The following DOCK9 variants were observed in gnomAD, a reference collection of about 807,000 sequenced individuals.
The protein encoded by DOCK9 is dedicator of cytokinesis protein 9.
In DOCK9, 89 loss-of-function variants were observed where a neutral mutation model predicts 263.3. That is an observed-to-expected ratio of 0.34 (90% confidence interval 0.28 to 0.40). DOCK9 has a LOEUF of 0.40. Among genes scored for constraint, DOCK9 ranks in the 10% least tolerant of loss-of-function variants. The probability of loss-of-function intolerance (pLI) is 1.00; values close to 1 mark genes in which losing one functional copy is unlikely to be tolerated. For missense variants in DOCK9, 2,140 were observed against 2,603.4 expected, an observed-to-expected ratio of 0.82 and a Z score of 3.87; for synonymous variants, 976 against 973.1, an observed-to-expected ratio of 1.00 and a Z score of -0.06.
At chr13:98,935,641 G>A (rs1005435200) in intron 2 of DOCK9, among the ~76,000 whole-genome samples, 1 of 152,192 alleles carries the variant, frequency 6.6e-6, no homozygotes, top group East Asian at 1.9e-4. Context: ...GATGGCGCAC[G>A]CCTGTAGTCT....
chr13:98,922,050 C>A lies in DOCK9; in HGVS notation c.582+1G>T. 5.0e-6 allele frequency: 8 copies of A among 1,590,322 alleles called. No homozygotes were observed. Among genetic ancestry groups the A allele is most frequent in the African/African-American group, 1.3e-5 (1 of 74,638 alleles). On this transcript the variant is annotated splice_donor_variant, in intron 6 of 52. Transcript: ENST00000682017. LOFTEE classifies it high-confidence loss of function. ...GAGGGCAAAGTGATGTGCGTCCTCA[C>A]CCTCATGGTCACGCTGATGGCACTG...
intron 32 of DOCK9, among the ~76,000 whole-genome samples, chr13:98,862,386 C>A (rs1348757789): frequency 2.0e-5 from 3 of 152,036 alleles, no homozygotes; most frequent in Non-Finnish European, 4.4e-5. Flanking sequence ...TCACTAGCGT[C>A]CTTATAAGAA....
intron 2 of DOCK9, among the ~76,000 whole-genome samples, chr13:98,932,968 CT>C (rs572056406): frequency 1.3e-5 from 2 of 152,140 alleles, no homozygotes; most frequent in Non-Finnish European, 2.9e-5. Context: ...CAGGCGCAAT[CT>C]GTACAAAAAG....
At chr13:98,859,749 G>GTATATATATATATATATATATATA (rs772535372) in intron 33 of DOCK9, 3 of 136,764 alleles carry the variant, frequency 2.2e-5, no homozygotes, top group Non-Finnish European at 4.7e-5. Flanking sequence ...GTGTGTGTGT[G>GTATATATATATATATATATATATA]TGTGTATATA....
chr13:98,907,408 T>A (rs1466810626), intron 9 of DOCK9, among the ~76,000 whole-genome samples: 2 of 152,222 alleles, frequency 1.3e-5, no homozygotes, highest in Non-Finnish European at 2.9e-5. Context: ...CTGACTATGC[T>A]AGGAGATAAG....
chr13:98,990,746 C>G (rs1336223154), intron 1 of DOCK9, among the ~76,000 whole-genome samples: 1 of 152,188 alleles, frequency 6.6e-6, no homozygotes. Flanking sequence ...TACATATGAG[C>G]ACCCCAGTTA....
chr13:98,850,095 C>A lies in DOCK9; in HGVS notation c.3965G>T (p.Trp1322Leu). 1 of 1,545,526 alleles carries A rather than the reference C, an allele frequency of 6.5e-7. No individual in the cohort carries two copies. Among genetic ancestry groups the A allele is most frequent in the Admixed American group, 2.1e-5 (1 of 46,574 alleles). Reference protein sequence around the residue: ...SMSDDALFTYWNKASTSELMD... With the variant: ...SMSDDALFTYLNKASTSELMD... ...AAGTTCAGATGTTGAAGCCTTGTTC[C>A]AATATGTAAACAAAGCATCTAGAAA... The change falls in exon 36 of 53, where the codon TGG (tryptophan) becomes TTG (leucine). Residue 1322 changes from tryptophan (W) to leucine (L), a missense_variant. Physicochemically the swap from Trp to Leu is moderately conservative, Grantham distance 61. Coordinates refer to ENST00000682017, the MANE Select transcript of DOCK9 (RefSeq NM_001366683.2).
At chr13:98,996,124 G>C (rs1880980076) in intron 1 of DOCK9, among the ~76,000 whole-genome samples, 1 of 152,210 alleles carries the variant, frequency 6.6e-6, no homozygotes, top group South Asian at 2.1e-4. Flanking sequence ...GCACTGGGAT[G>C]AGGTATAGGC....
chr13:98,868,448 T>A (rs1350644289), intron 27 of DOCK9, 71 bp from the exon 28 acceptor site: 1 of 1,474,714 alleles, frequency 6.8e-7, no homozygotes, highest in Non-Finnish European at 9.1e-7. Context: ...AAATATCTCA[T>A]CCCTGAGTCC....
At chr13:99,011,399 C>T (rs1884452063) in intron 1 of DOCK9, among the ~76,000 whole-genome samples, 1 of 152,108 alleles carries the variant, frequency 6.6e-6, no homozygotes, top group African/African-American at 2.4e-5. Flanking sequence ...AGAATTTGGT[C>T]ATATGTTTGG....
At chr13:98,862,871 C>T (rs1336793047) in intron 32 of DOCK9, 148 bp downstream of exon 32, 4 of 665,232 alleles carry the variant, frequency 6.0e-6, no homozygotes, top group Non-Finnish European at 7.8e-6. Flanking sequence ...TAGGAACCAA[C>T]CCCACTGACA....
At chr13:98,942,096 C>A (rs1433455879) in intron 2 of DOCK9, among the ~76,000 whole-genome samples, 2 of 152,224 alleles carry the variant, frequency 1.3e-5, no homozygotes, top group Non-Finnish European at 2.9e-5. Context: ...GTCACTACCT[C>A]TAGTGTCTAA....
At chr13:98,841,771 A>C (rs1368893717) in intron 38 of DOCK9, among the ~76,000 whole-genome samples, 3 of 151,524 alleles carry the variant, frequency 2.0e-5, no homozygotes, top group Admixed American at 6.6e-5. Flanking sequence ...ACAGGCATGC[A>C]CCACCATGCC....
chr13:99,047,664 G>A (rs769961742), intron 1 of DOCK9, among the ~76,000 whole-genome samples: 14 of 151,822 alleles, frequency 9.2e-5, no homozygotes, highest in Non-Finnish European at 2.1e-4. Flanking sequence ...GACTACAGGT[G>A]CACACCACTA....
intron 1 of DOCK9, among the ~76,000 whole-genome samples, chr13:98,968,779 A>G (rs932919960): frequency 2.0e-5 from 3 of 152,216 alleles, no homozygotes; most frequent in Admixed American, 6.5e-5. Flanking sequence ...TTGGGCAGAC[A>G]ATAGTTTGGA....
chr13:98,888,744 C>G, intron 15 of DOCK9, 33 bp from the exon 16 acceptor site: 1 of 1,578,868 alleles, frequency 6.3e-7, no homozygotes, highest in Non-Finnish European at 8.7e-7. Context: ...ATTAAACATT[C>G]GTAAGTTAAC....
Position 98,825,938 on chromosome 13 carries a change from C to A in DOCK9, c.5023+892G>T, listed in dbSNP as rs780229862. The A allele has an allele frequency of 1.3e-6, 2 of 1,541,922 alleles. No individual in the cohort carries two copies. The highest frequency in any genetic ancestry group is 2.8e-5 in the African/African-American group (2 of 72,342). ...AGAAGGGGCGGCTCCCACTGGACTG[C>A]TTCTAAACATGAGGAAATGCATCAC... On this transcript the variant is annotated intron_variant, in intron 44 of 52. Transcript: ENST00000682017. This position sits in a 1 kb window ranked among gnomAD's most constrained non-coding sequence, Gnocchi z 4.1.
chr13:99,070,230 A>G (rs1358639308), intron 1 of DOCK9, among the ~76,000 whole-genome samples: 1 of 152,214 alleles, frequency 6.6e-6, no homozygotes, highest in African/African-American at 2.4e-5. Flanking sequence ...GTAATTTTCA[A>G]GCATACCGAT....
chr13:98,870,898 C>CAA lies in DOCK9; in HGVS notation c.2944-2523_2944-2522dup, dbSNP rs11404800. ...CCACTTTCTTCAACAAATATGTTGC[C>CAA]AAAAAAAAAAAAAAAGTCCAAACAG... On this transcript the variant is annotated intron_variant, in intron 27 of 52. Coordinates refer to ENST00000682017, the MANE Select transcript of DOCK9 (RefSeq NM_001366683.2). Among the ~76,000 whole-genome samples, 660 of 135,012 alleles carry CAA rather than the reference C, an allele frequency of 4.9e-3. 4 individuals carry two copies. Among genetic ancestry groups the CAA allele is most frequent in the Middle Eastern group, 0.011 (3 of 266 alleles). The allele number at this position is 135,012 out of a possible 152,430, so 88.6% of individuals were successfully genotyped here.
Sources: allele counts gnomAD v4.1 joint callset (sites outside exome capture counted in the v4.1 genomes callset), GRCh38; gene constraint gnomAD v4.1.1; non-coding constraint Gnocchi (gnomAD v3.1); transcripts MANE v1.5; gene names NCBI Gene and HGNC (gene_info 2026-07-23, HGNC 2026-07-21).